SLF1: variants seen among roughly 807,000 people sequenced by gnomAD.
The protein encoded by SLF1 is SMC5-SMC6 complex localization factor protein 1.
In SLF1, 105 loss-of-function variants were observed where a neutral mutation model predicts 123.0. The observed-to-expected ratio is 0.85, with a 90% CI of 0.73 to 1.00. The LOEUF (loss-of-function observed/expected upper bound fraction) is 1.00, where lower values mean the gene tolerates loss of function less well. SLF1 is among the 50% of genes least tolerant of loss of function. The probability of loss-of-function intolerance (pLI) is 0.00; values close to 1 mark genes in which losing one functional copy is unlikely to be tolerated. For missense variants in SLF1, 1,239 were observed against 1,223.0 expected (o/e 1.01, Z -0.20); for synonymous variants, 434 against 406.6 (o/e 1.07, Z -0.81).
chr5:94,656,109 G>T (rs1040535067), intron 9 of SLF1, among the ~76,000 whole-genome samples: 2 of 151,934 alleles, frequency 1.3e-5, no homozygotes, highest in African/African-American at 4.8e-5. Flanking sequence ...TTGTTATGTT[G>T]AAGTACTTCT....
chr5:94,681,521 A>C (rs1022109273), intron 15 of SLF1, among the ~76,000 whole-genome samples: 68 of 152,086 alleles, frequency 4.5e-4, no homozygotes, highest in Non-Finnish European at 7.4e-4. Context: ...TTATACTTTA[A>C]GTTTTAGGGT....
chr5:94,624,939 C>T (rs544644525), intron 1 of SLF1, among the ~76,000 whole-genome samples: 1 of 151,644 alleles, frequency 6.6e-6, no homozygotes, highest in Non-Finnish European at 1.5e-5. Flanking sequence ...GTAATCCCAG[C>T]GCTTTGGGAG....
At position 94,630,729 on chromosome 5, in the gene SLF1, T is replaced by G; in HGVS notation, c.417T>G (p.Ser139Arg). The G allele has an allele frequency of 6.4e-7, 1 of 1,551,344 alleles. No homozygotes were observed. Among genetic ancestry groups the G allele is most frequent in the Non-Finnish European group, 8.7e-7 (1 of 1,146,770 alleles). ...VVLLVRTDKR[S>R]DSLIRVLEAG... ...TCCTTGTTAGAACTGATAAGCGAAG[T>G]GATTCTCTTATAAGGTAGGATGTGA... Residue 139 changes from serine (S) to arginine (R), a missense_variant, in exon 4 of 21, where the codon AGT (serine) becomes AGG (arginine). Transcript: ENST00000265140.
chr5:94,626,098 A>G (rs938531861), intron 1 of SLF1, among the ~76,000 whole-genome samples: 1 of 87,286 alleles, frequency 1.1e-5, no homozygotes, highest in African/African-American at 4.5e-5. Flanking sequence ...CTAAAAATAC[A>G]AAAAAAAAGC....
rs541764881 is a variant in SLF1, at chr5:94,649,620, C to T, written c.738+23C>T. On this transcript the variant is annotated intron_variant, in intron 6 of 20. Coordinates refer to ENST00000265140, the MANE Select transcript of SLF1 (RefSeq NM_032290.4). ...CAGGTAAACTTTATAGGCTGAAAAACATACATTTCTGATGTTTCTTATAGA... is the reference window on the plus strand; with the variant it reads ...CAGGTAAACTTTATAGGCTGAAAAATATACATTTCTGATGTTTCTTATAGA... 11 of 1,434,192 alleles carry T rather than the reference C, an allele frequency of 7.7e-6. No homozygotes were observed. In the African/African-American group the frequency reaches 1.6e-4, roughly 21 times the overall value. 88.8% of individuals were successfully genotyped at this position (1,434,192 alleles called of 1,614,324 possible).
At chr5:94,643,498 C>A in intron 5 of SLF1, 63 bp downstream of exon 5, 1 of 1,136,116 alleles carries the variant, frequency 8.8e-7, no homozygotes, top group Non-Finnish European at 1.2e-6. Context: ...AAAATACCAA[C>A]ATAGTAAAAT....
At chr5:94,659,290 G>GT (rs576197800) in intron 9 of SLF1, among the ~76,000 whole-genome samples, 33 of 151,816 alleles carry the variant, frequency 2.2e-4, no homozygotes, top group African/African-American at 6.8e-4. Context: ...ATCTCACTGA[G>GT]TTTTTTTAAT....
chr5:94,665,187 C>A (rs1749595081), intron 11 of SLF1, among the ~76,000 whole-genome samples: 1 of 152,078 alleles, frequency 6.6e-6, no homozygotes, highest in South Asian at 2.1e-4. Context: ...GTGGCTCACA[C>A]CTGTAATTCC....
intron 5 of SLF1, 51 bp downstream of exon 5, chr5:94,643,486 A>G (rs571818614): frequency 2.1e-4 from 259 of 1,217,832 alleles, no homozygotes; most frequent in Non-Finnish European, 2.7e-4. Context: ...TGTTCATTTT[A>G]TAAAATACCA....
At chr5:94,687,230 G>C (rs1194621375) in intron 16 of SLF1, among the ~76,000 whole-genome samples, 1 of 151,988 alleles carries the variant, frequency 6.6e-6, no homozygotes, top group Non-Finnish European at 1.5e-5. Context: ...GCCTGCAGGT[G>C]AGTGCCTGTA....
chr5:94,651,833 A>C lies in SLF1; in HGVS notation c.870A>C (p.Thr290=). Residue 290 remains threonine (T), a synonymous_variant, in exon 7 of 21, where the codon ACA becomes ACC. Transcript: ENST00000265140. ...VKMRNTFGSH[T]YENQKEIKKK... is the part of the protein sequence containing the mutation. ...TGAGAAATACCTTTGGAAGCCATAC[A>C]TATGAAAATCAGGTACAACTTTCCA... The C allele has an allele frequency of 7.1e-7, 1 of 1,415,498 alleles. No homozygotes were observed. Among genetic ancestry groups the C allele is most frequent in the Non-Finnish European group, 9.4e-7 (1 of 1,061,754 alleles). 87.7% of individuals were successfully genotyped at this position (1,415,498 alleles called of 1,614,324 possible).
chr5:94,681,846 A>C (rs913866468), intron 15 of SLF1, among the ~76,000 whole-genome samples: 1 of 152,130 alleles, frequency 6.6e-6, no homozygotes, highest in Non-Finnish European at 1.5e-5. Flanking sequence ...TTGATGTTTA[A>C]CCTTTGTCAA....
intron 12 of SLF1, among the ~76,000 whole-genome samples, chr5:94,669,203 A>C (rs72773547): frequency 0.22 from 33,834 of 152,064 alleles, 3,887 homozygotes; most frequent in East Asian, 0.34. Flanking sequence ...GAGAAACGTA[A>C]GTTCTCTATC....
At chr5:94,670,495 A>G (rs1032082346) in intron 13 of SLF1, among the ~76,000 whole-genome samples, 2 of 151,672 alleles carry the variant, frequency 1.3e-5, no homozygotes, top group African/African-American at 4.8e-5. Flanking sequence ...TCCACTGTTC[A>G]TTTGGATGGA....
At chr5:94,676,962 G>C (rs1465630886) in intron 14 of SLF1, among the ~76,000 whole-genome samples, 1 of 152,096 alleles carries the variant, frequency 6.6e-6, no homozygotes, top group African/African-American at 2.4e-5. Context: ...AGTCACTGAG[G>C]GTTCAGAGTG....
At chr5:94,621,569 C>T (rs1197553848) in intron 1 of SLF1, among the ~76,000 whole-genome samples, 1 of 152,270 alleles carries the variant, frequency 6.6e-6, no homozygotes, top group African/African-American at 2.4e-5. Context: ...TATCTACTGT[C>T]CACCTATTCT....
chr5:94,644,457 A>C (rs1746787264), intron 5 of SLF1, among the ~76,000 whole-genome samples: 1 of 152,050 alleles, frequency 6.6e-6, no homozygotes, highest in South Asian at 2.1e-4. Flanking sequence ...TTCCCACAGG[A>C]TTCCTGTCAT....
At chr5:94,667,818 G>A (rs185428039) in intron 12 of SLF1, among the ~76,000 whole-genome samples, 6 of 152,182 alleles carry the variant, frequency 3.9e-5, no homozygotes, top group Admixed American at 2.6e-4. Context: ...GCACAATCAC[G>A]GCTCACTGCA....
chr5:94,626,212 C>T (rs1792229208), intron 1 of SLF1, among the ~76,000 whole-genome samples: 1 of 145,576 alleles, frequency 6.9e-6, no homozygotes, highest in African/African-American at 2.6e-5. Context: ...GAGATCACGC[C>T]ATTGCACTCC....
Sources: gnomAD v4.1 joint callset for allele counts (sites outside exome capture counted in the v4.1 genomes callset) on GRCh38, gnomAD v4.1.1 for gene constraint, MANE v1.5 for transcripts, NCBI Gene and HGNC (gene_info 2026-07-23, HGNC 2026-07-21) for gene names.